The following PRAMEF19 variants were observed in gnomAD, a reference collection of about 807,000 sequenced individuals.
The protein encoded by PRAMEF19 is PRAME family member 19.
A neutral mutation model predicts 33.1 loss-of-function variants in PRAMEF19; 21 were observed. The observed-to-expected ratio is 0.63, with a 90% CI of 0.45 to 0.91. The LOEUF (loss-of-function observed/expected upper bound fraction) is 0.91. Ranked by LOEUF, PRAMEF19 falls within the 40% of genes least tolerant of loss-of-function variation. The probability of loss-of-function intolerance (pLI) is 0.00; values close to 1 mark genes in which losing one functional copy is unlikely to be tolerated. For missense variants in PRAMEF19, 481 were observed against 585.2 expected, an observed-to-expected ratio of 0.82 and a Z score of 1.84; for synonymous variants, 179 against 229.3, an observed-to-expected ratio of 0.78 and a Z score of 1.98.
chr1:13,369,585 C>T, exon 3 of PRAMEF19: 1 of 1,613,950 alleles, frequency 6.2e-7, no homozygotes, highest in Non-Finnish European at 8.5e-7. Context: ...TTCAAGTCCT[C>T]TTCATCTAGG....
At chr1:13,369,211 T>C (rs1215666714) in exon 3 of PRAMEF19, 12 of 1,611,752 alleles carry the variant, frequency 7.4e-6, no homozygotes, top group African/African-American at 1.3e-5. Context: ...CAGCCTGAAG[T>C]GGGGTGAGGA....
At position 13,369,482 on chromosome 1, in the gene PRAMEF19, G is replaced by A. The variant is rs1640643712; in HGVS notation, c.1025C>T (p.Ala342Val). ...AGTGGCAGCAACTTTCTCTAGCAGA[G>A]CTCGGAGGGGCTCAAGACGGATGAA... Residue 342 changes from alanine to valine, a missense_variant, in exon 3 of 3, where the codon GCT becomes GTT. Around this residue, in one of 3 missense-constraint regions of PRAMEF19, gnomAD observed 392 missense variants for 397.5 expected, o/e 0.99. Coordinates refer to ENST00000376101, the Ensembl canonical transcript of PRAMEF19. 8 of 1,613,984 alleles carry A rather than the reference G, an allele frequency of 5.0e-6. No homozygotes were observed. The Admixed American group carries it at 1.3e-4, about 27-fold the overall frequency.
chr1:13,369,362 A>G, exon 3 of PRAMEF19: 13 of 1,612,248 alleles, frequency 8.1e-6, no homozygotes, highest in Non-Finnish European at 1.1e-5. Flanking sequence ...GTGAAAGCAG[A>G]AAGTGGTGAG....
At chr1:13,370,091 A>G (rs1360770849) in intron 2 of PRAMEF19, among the ~76,000 whole-genome samples, 1 of 152,186 alleles carries the variant, frequency 6.6e-6, no homozygotes, top group East Asian at 1.9e-4. Context: ...CCCCAGAAGC[A>G]CGCATTTCCC....
rs1288704445 is a variant in PRAMEF19 at position 13,370,661 on chromosome 1, T to C, written c.854A>G (p.Asp285Gly). 6.7e-5 allele frequency: 108 copies of C among 1,613,942 alleles called. No individual in the cohort carries two copies. In the Admixed American group the frequency reaches 1.8e-3, roughly 27 times the overall value. The change falls in exon 2 of 3, where the codon GAC (aspartate) becomes GGC (glycine). Residue 285 changes from aspartate to glycine, a missense_variant. Physicochemically the swap from Asp to Gly is moderately conservative, Grantham distance 94. Around this residue, in one of 3 missense-constraint regions of PRAMEF19, gnomAD observed 392 missense variants for 397.5 expected, o/e 0.99. Transcript: ENST00000376101. ...CATCTTTCCTCACCTGATCAGCTGGTCCAGGTAGCCTTCGAAGAAGCGGAT... is the reference window on the plus strand; with the variant it reads ...CATCTTTCCTCACCTGATCAGCTGGCCCAGGTAGCCTTCGAAGAAGCGGAT...
rs1477106725 is a variant in PRAMEF19, at chr1:13,370,942, G to C, written c.573C>G (p.Asn191Lys). ...CTAATATGTTTCTGAAATTTAGAAT[G>C]TTCATTGAATAATTTACCACCTTAG... The change falls in exon 2 of 3, where the codon AAC becomes AAG. Residue 191 changes from asparagine to lysine, a missense_variant. By Grantham distance (94) the Asn-to-Lys change is moderately conservative. Transcript: ENST00000376101. 1.8e-5 allele frequency: 29 copies of C among 1,613,550 alleles called. No individual in the cohort carries two copies. The East Asian group carries it at 6.2e-4, about 35-fold the overall frequency.
exon 3 of PRAMEF19, chr1:13,369,568 C>A (rs1640645868): frequency 6.2e-7 from 1 of 1,613,926 alleles, no homozygotes; most frequent in Admixed American, 1.7e-5. Flanking sequence ...GGTACCAGGG[C>A]AGACATTTCA....
At chr1:13,371,773 G>T in exon 1 of PRAMEF19, 1 of 1,611,386 alleles carries the variant, frequency 6.2e-7, no homozygotes, top group South Asian at 1.1e-5. Context: ...GCTAGTGAAG[G>T]CCTCCACGAA....
At chr1:13,370,861 C>A in exon 2 of PRAMEF19, 1 of 1,613,994 alleles carries the variant, frequency 6.2e-7, no homozygotes, top group Admixed American at 1.7e-5. Flanking sequence ...CTACCATACA[C>A]GGCCAGCACA....
rs1318179183 is a variant in PRAMEF19 at position 13,371,788 on chromosome 1, C to A, written c.113G>T (p.Arg38Leu). The A allele has an allele frequency of 2.2e-5, 36 of 1,611,078 alleles. 1 individual carries two copies. In the Admixed American group the frequency reaches 5.2e-4, roughly 23 times the overall value. The stretch of plus-strand genomic sequence containing the variant: ...GCTAGTGAAGGCCTCCACGAACAGT[C>A]GGGGGAAGAGCTCCCTGGGCAGCTC... The change falls in exon 1 of 3, where the codon CGA (arginine) becomes CTA (leucine). Residue 38 changes from arginine (R) to leucine (L), a missense_variant. Coordinates refer to ENST00000376101, the Ensembl canonical transcript of PRAMEF19.
Position 13,371,549 on chromosome 1 carries a change from C to T in PRAMEF19, c.287+65G>A, listed in dbSNP as rs1640672485. On this transcript the variant is annotated intron_variant, in intron 1 of 2. Coordinates refer to ENST00000376101, the Ensembl canonical transcript of PRAMEF19. ...AAGCCCCTGGGCCACCCCAGGTTCC[C>T]AATTTGTCTGACCCAGCTGCTTAGT... 3 of 1,609,694 alleles carry T rather than the reference C, an allele frequency of 1.9e-6. No homozygotes were observed. The Admixed American group carries it at 5.0e-5, about 27-fold the overall frequency.
At chr1:13,369,739 G>A in intron 2 of PRAMEF19, 99 bp from the exon 3 acceptor site, 1 of 1,520,506 alleles carries the variant, frequency 6.6e-7, no homozygotes. Flanking sequence ...CCAAACACAA[G>A]TTTGTTCTCA....
chr1:13,368,693 A>T (rs1454355996), downstream of PRAMEF19, among the ~76,000 whole-genome samples: 1 of 152,140 alleles, frequency 6.6e-6, no homozygotes, highest in African/African-American at 2.4e-5. Context: ...TAGGACACAG[A>T]TCCCTGAGTC....
chr1:13,371,858 G>T, exon 1 of PRAMEF19: 1 of 1,611,976 alleles, frequency 6.2e-7, no homozygotes, highest in Non-Finnish European at 8.5e-7. Flanking sequence ...AGCAGGCTCT[G>T]CCCTGCCAGC....
intron 1 of PRAMEF19, 75 bp from the exon 2 acceptor site, chr1:13,371,302 A>G: frequency 6.2e-7 from 1 of 1,610,020 alleles, no homozygotes; most frequent in East Asian, 2.2e-5. Context: ...ACTCCACATC[A>G]AGGACTTCAG....
At chr1:13,368,507 T>A (rs1261916432), downstream of PRAMEF19, among the ~76,000 whole-genome samples, 4 of 152,382 alleles carry the variant, frequency 2.6e-5, no homozygotes, top group South Asian at 4.1e-4. Context: ...CCTCTTTTTT[T>A]AATTCATCAG....
intron 2 of PRAMEF19, among the ~76,000 whole-genome samples, chr1:13,370,409 C>A (rs1296911864): frequency 5.9e-5 from 9 of 151,950 alleles, no homozygotes; most frequent in Admixed American, 3.3e-4. Context: ...CCCCACTAAC[C>A]AGCTCCCTAC....
chr1:13,369,150 C>T, exon 3 of PRAMEF19: 1 of 1,611,948 alleles, frequency 6.2e-7, no homozygotes, highest in Non-Finnish European at 8.5e-7. Context: ...GAGACGGGAC[C>T]AAAGAAGATC....
chr1:13,369,418 G>T, exon 3 of PRAMEF19: 2 of 1,613,272 alleles, frequency 1.2e-6, no homozygotes, highest in Non-Finnish European at 1.7e-6. Flanking sequence ...TGAGTTTGGA[G>T]TCCCCAATCC....
Sources: allele counts gnomAD v4.1 joint callset (sites outside exome capture counted in the v4.1 genomes callset), GRCh38; gene constraint gnomAD v4.1.1; regional missense constraint gnomAD v4.1.1; transcripts MANE v1.5; gene names NCBI Gene and HGNC (gene_info 2026-07-23, HGNC 2026-07-21).